DCC: variants seen among roughly 807,000 people sequenced by gnomAD.
DCC encodes the protein DCC netrin 1 receptor, also known as netrin receptor DCC.
A neutral mutation model predicts 172.5 loss-of-function variants in DCC; 58 were observed. The ratio of observed to expected loss-of-function variants is 0.34; its 90% CI spans 0.27 to 0.42. The LOEUF (loss-of-function observed/expected upper bound fraction) is 0.42, where lower values mean the gene tolerates loss of function less well. Ranked by LOEUF, DCC falls within the 10% of genes least tolerant of loss-of-function variation. The pLI is 1.00. For synonymous variants in DCC, 709 were observed against 644.5 expected (o/e 1.10, Z -1.52); for missense variants, 1,740 against 1,791.0 (o/e 0.97, Z 0.51).
intron 12 of DCC, among the ~76,000 whole-genome samples, chr18:53,234,146 A>G (rs2056164851): frequency 6.6e-6 from 1 of 152,212 alleles, no homozygotes; most frequent in South Asian, 2.1e-4. Context: ...GCTACTCTGG[A>G]GGCTGAGGCA....
intron 5 of DCC, among the ~76,000 whole-genome samples, chr18:53,021,459 G>T (rs2041880586): frequency 6.6e-6 from 1 of 152,128 alleles, no homozygotes; most frequent in Admixed American, 6.5e-5. Context: ...AAGTGAGGGT[G>T]ACAGGCACAG....
intron 24 of DCC, among the ~76,000 whole-genome samples, chr18:53,462,313 A>C (rs1599177081): frequency 6.6e-6 from 1 of 151,810 alleles, no homozygotes; most frequent in South Asian, 2.1e-4. Flanking sequence ...ATTCCCTATC[A>C]CTCCCATTAC....
intron 12 of DCC, among the ~76,000 whole-genome samples, chr18:53,217,032 C>T (rs185585768): frequency 2.2e-4 from 33 of 152,112 alleles, no homozygotes; most frequent in Middle Eastern, 6.8e-3. Flanking sequence ...TTAGAATCCT[C>T]ACTCACTTTA....
intron 26 of DCC, among the ~76,000 whole-genome samples, chr18:53,488,973 A>G (rs927433831): frequency 3.9e-5 from 6 of 152,088 alleles, no homozygotes; most frequent in African/African-American, 1.4e-4. Context: ...CCTGGCCAAC[A>G]TGGTGAAACC....
At chr18:53,374,806 G>A (rs538416388) in intron 15 of DCC, among the ~76,000 whole-genome samples, 1 of 152,262 alleles carries the variant, frequency 6.6e-6, no homozygotes, top group South Asian at 2.1e-4. Context: ...GTGATGTTAG[G>A]AGAAAATTAA....
At chr18:53,501,149 TAAC>T (rs2144462047) in intron 27 of DCC, among the ~76,000 whole-genome samples, 1 of 152,322 alleles carries the variant, frequency 6.6e-6, no homozygotes, top group Admixed American at 6.5e-5. Flanking sequence ...TTGCAACTGC[TAAC>T]AATAACGAGC....
chr18:52,520,805 G>C (rs1423165883), intron 1 of DCC, among the ~76,000 whole-genome samples: 1 of 151,826 alleles, frequency 6.6e-6, no homozygotes, highest in African/African-American at 2.4e-5. Context: ...TTATAACATT[G>C]GTTAAAAGTG....
intron 5 of DCC, among the ~76,000 whole-genome samples, chr18:52,936,529 A>AT (rs1200940438): frequency 8.2e-6 from 1 of 121,554 alleles, no homozygotes; most frequent in African/African-American, 2.9e-5. Flanking sequence ...GATGAGTCTA[A>AT]TTTTTTCTTT....
chr18:52,857,705 A>G (rs1226426734), intron 2 of DCC, among the ~76,000 whole-genome samples: 1 of 152,124 alleles, frequency 6.6e-6, no homozygotes, highest in African/African-American at 2.4e-5. Context: ...TGTTTTTATT[A>G]AACACCATAT....
chr18:53,214,420 T>G (rs2144576291), intron 11 of DCC, among the ~76,000 whole-genome samples: 1 of 152,284 alleles, frequency 6.6e-6, no homozygotes, highest in South Asian at 2.1e-4. Flanking sequence ...CGGTGGCACA[T>G]CATGTCTTCA....
intron 1 of DCC, among the ~76,000 whole-genome samples, chr18:52,607,253 T>C (rs568505974): frequency 1.6e-4 from 24 of 152,252 alleles, no homozygotes; most frequent in East Asian, 3.9e-4. Context: ...GGATATGGCA[T>C]CCATCACTTT....
At chr18:52,578,452 T>C (rs1189129647) in intron 1 of DCC, among the ~76,000 whole-genome samples, 1 of 152,224 alleles carries the variant, frequency 6.6e-6, no homozygotes, top group Non-Finnish European at 1.5e-5. Context: ...TAACCCTTGA[T>C]AGACATTTAG....
intron 1 of DCC, among the ~76,000 whole-genome samples, chr18:52,582,173 A>T (rs2033564455): frequency 1.3e-5 from 2 of 152,194 alleles, no homozygotes; most frequent in Non-Finnish European, 2.9e-5. Context: ...AGTTTAACTG[A>T]TATTCTTCAG....
chr18:53,136,405 G>A (rs753611040), intron 7 of DCC, among the ~76,000 whole-genome samples: 11 of 152,036 alleles, frequency 7.2e-5, no homozygotes, highest in Non-Finnish European at 1.5e-4. Flanking sequence ...TATACCAAAA[G>A]GGAGATTTCT....
intron 5 of DCC, among the ~76,000 whole-genome samples, chr18:52,985,800 A>C (rs1156978589): frequency 6.6e-6 from 1 of 152,152 alleles, no homozygotes; most frequent in African/African-American, 2.4e-5. Context: ...TTCTTCAACT[A>C]TTTAAGCTTT....
intron 5 of DCC, among the ~76,000 whole-genome samples, chr18:52,976,394 C>A (rs997273316): frequency 6.6e-6 from 1 of 151,912 alleles, no homozygotes; most frequent in Non-Finnish European, 1.5e-5. Flanking sequence ...GCAATTGCTT[C>A]TGGTGTCTTT....
chr18:52,737,486 C>A (rs139670765), intron 1 of DCC, among the ~76,000 whole-genome samples: 1 of 152,166 alleles, frequency 6.6e-6, no homozygotes, highest in Non-Finnish European at 1.5e-5. Context: ...CTTAGTAAGA[C>A]CATTTTCTCA....
chr18:52,453,931 G>C (rs112157127), intron 1 of DCC, among the ~76,000 whole-genome samples: 11 of 152,162 alleles, frequency 7.2e-5, no homozygotes, highest in African/African-American at 2.7e-4. Context: ...ATTAGTGGCT[G>C]AAGAGCAGGT....
intron 1 of DCC, among the ~76,000 whole-genome samples, chr18:52,538,596 G>T (rs2032349987): frequency 6.6e-6 from 1 of 152,002 alleles, no homozygotes; most frequent in African/African-American, 2.4e-5. Flanking sequence ...CCTTGCTCCA[G>T]ACTGGATACA....
Sources: allele counts gnomAD v4.1 joint callset (sites outside exome capture counted in the v4.1 genomes callset), GRCh38; gene constraint gnomAD v4.1.1; transcripts MANE v1.5; gene names NCBI Gene and HGNC (gene_info 2026-07-23, HGNC 2026-07-21).